Variants in UNC80 observed in about 807,000 individuals in gnomAD.
UNC80 encodes the protein protein unc-80 homolog.
A neutral mutation model predicts 384.6 loss-of-function variants in UNC80; 164 were observed. That is an observed-to-expected ratio of 0.43 (90% CI 0.38 to 0.49). The LOEUF (loss-of-function observed/expected upper bound fraction) is 0.49, where lower values mean the gene tolerates loss of function less well. Ranked by LOEUF, UNC80 falls within the 20% of genes least tolerant of loss-of-function variation. UNC80 has a pLI of 0.00. For missense variants in UNC80, 3,330 were observed against 4,143.0 expected (o/e 0.80, Z 5.39); for synonymous variants, 1,486 against 1,527.8 (o/e 0.97, Z 0.64).
chr2:209,852,557 A>G (rs2082605918), intron 22 of UNC80, among the ~76,000 whole-genome samples: 1 of 152,174 alleles, frequency 6.6e-6, no homozygotes, highest in Non-Finnish European at 1.5e-5. Context: ...ACTTACAATC[A>G]GTTTCTCAGC....
At chr2:209,974,859 G>A (rs1373170145) in intron 56 of UNC80, among the ~76,000 whole-genome samples, 3 of 152,244 alleles carry the variant, frequency 2.0e-5, no homozygotes, top group Non-Finnish European at 2.9e-5. Context: ...GCCAAAGTCA[G>A]CCAACAGGCC....
intron 31 of UNC80, among the ~76,000 whole-genome samples, chr2:209,917,135 G>T (rs1233610999): frequency 1.3e-5 from 2 of 152,130 alleles, no homozygotes; most frequent in Non-Finnish European, 2.9e-5. Context: ...CTCATGTAGG[G>T]TATGTTTTTA....
At chr2:209,863,676 C>A (rs1230398916) in intron 22 of UNC80, among the ~76,000 whole-genome samples, 1 of 151,902 alleles carries the variant, frequency 6.6e-6, no homozygotes, top group South Asian at 2.1e-4. Flanking sequence ...CTGTGTTTTT[C>A]AGCTCCATCA....
intron 51 of UNC80, among the ~76,000 whole-genome samples, chr2:209,963,743 C>T (rs1379147842): frequency 6.6e-6 from 1 of 152,134 alleles, no homozygotes; most frequent in Non-Finnish European, 1.5e-5. Context: ...ACACAGAATT[C>T]CAGGACAATG....
Position 209,959,480 on chromosome 2 carries a change from A to G in UNC80, c.7587-9A>G. Reference sequence around the variant, plus strand: ...TCAGACCCCTAGTTAATCTTTCACAATTTCCCAGGGAAAACCTTCATTTAC... The same window carrying G: ...TCAGACCCCTAGTTAATCTTTCACAGTTTCCCAGGGAAAACCTTCATTTAC... On this transcript the variant is annotated splice_polypyrimidine_tract_variant and intron_variant, in intron 50 of 64. Coordinates refer to ENST00000673920, the MANE Select transcript of UNC80 (RefSeq NM_001371986.1). 1 of 1,551,390 alleles carries G rather than the reference A, an allele frequency of 6.4e-7. No individual in the cohort carries two copies. The highest frequency in any genetic ancestry group is 2.4e-5 in the East Asian group (1 of 40,922).
intron 21 of UNC80, among the ~76,000 whole-genome samples, chr2:209,846,577 C>G (rs896056867): frequency 6.6e-6 from 1 of 151,800 alleles, no homozygotes; most frequent in East Asian, 1.9e-4. Context: ...TATTAAAAAA[C>G]AAGTAGGATA....
intron 47 of UNC80, among the ~76,000 whole-genome samples, chr2:209,952,497 G>T (rs565770389): frequency 6.6e-6 from 1 of 152,098 alleles, no homozygotes; most frequent in Non-Finnish European, 1.5e-5. Flanking sequence ...ATATTTCCTC[G>T]CAATTATGAG....
intron 25 of UNC80, among the ~76,000 whole-genome samples, chr2:209,882,918 A>AT (rs1441459676): frequency 1.4e-4 from 21 of 152,182 alleles, no homozygotes; most frequent in Admixed American, 1.3e-3. Context: ...GATCAATCAA[A>AT]TCTTCTAAAT....
At chr2:209,900,756 C>A (rs1011038541) in intron 28 of UNC80, among the ~76,000 whole-genome samples, 2 of 152,154 alleles carry the variant, frequency 1.3e-5, no homozygotes, top group South Asian at 2.1e-4. Flanking sequence ...AGGAAAAGTT[C>A]TTGAAGGAAA....
chr2:209,970,928 G>A lies in UNC80; in HGVS notation c.8227G>A (p.Val2743Ile), dbSNP rs1559416295. 1.3e-6 allele frequency: 2 copies of A among 1,551,928 alleles called. No individual in the cohort carries two copies. The highest frequency in any genetic ancestry group is 1.7e-6 in the Non-Finnish European group (2 of 1,147,006). ...ACCACCTCTGCCCTTCAGCACAGCT[G>A]TTGTCCGGCTTGTAGCATTGCAGAT... ...LSPPLPFSTAVVRLVALQIQA... is the reference protein window; with the variant it reads ...LSPPLPFSTAIVRLVALQIQA... The change falls in exon 54 of 65, where the codon GTT (valine) becomes ATT (isoleucine). Residue 2743 changes from valine (V) to isoleucine (I), a missense_variant. Around this residue, in one of 8 missense-constraint regions of UNC80, gnomAD observed 1,049 missense variants for 1,488.6 expected, o/e 0.70. Coordinates refer to ENST00000673920, the MANE Select transcript of UNC80 (RefSeq NM_001371986.1).
chr2:209,866,488 C>CCACA lies in UNC80; in HGVS notation c.3628-6269_3628-6268insACAC, dbSNP rs1209916532. ...AAACATTCCATAATACAAAATGCACCCCCACACACACACACACACACACAC... is the reference window on the plus strand; with the variant it reads ...AAACATTCCATAATACAAAATGCACCCACACCCACACACACACACACACACACAC... On this transcript the variant is annotated intron_variant, in intron 22 of 64. Transcript: ENST00000673920. 4.6e-4 allele frequency among the ~76,000 whole-genome samples: 49 copies of CCACA among 106,742 alleles called. 1 individual carries two copies. Among genetic ancestry groups the CCACA allele is most frequent in the Non-Finnish European group, 8.4e-4 (44 of 52,512 alleles). The allele number at this position is 106,742 out of a possible 152,430, so 70.0% of individuals were successfully genotyped here. A position where few individuals can be genotyped will look rare whatever the true frequency, so the allele number is the denominator to read the frequency against.
At chr2:209,889,872 T>C (rs1013911847) in intron 26 of UNC80, among the ~76,000 whole-genome samples, 2 of 152,176 alleles carry the variant, frequency 1.3e-5, no homozygotes, top group Non-Finnish European at 2.9e-5. Flanking sequence ...TGCCACATTT[T>C]CTTAATTTTT....
At chr2:209,847,782 T>C (rs2082268165) in intron 21 of UNC80, among the ~76,000 whole-genome samples, 4 of 152,058 alleles carry the variant, frequency 2.6e-5, no homozygotes. Context: ...TTAATAAATT[T>C]GATAAATAAG....
chr2:209,814,370 G>T (rs942703028), intron 8 of UNC80, among the ~76,000 whole-genome samples: 2 of 151,902 alleles, frequency 1.3e-5, no homozygotes, highest in African/African-American at 2.4e-5. Context: ...TGAGTAGCTG[G>T]GACTGCAGGA....
intron 28 of UNC80, among the ~76,000 whole-genome samples, chr2:209,903,599 A>ATATATAGTATATATGTAATATATATATAC (rs2087793952): frequency 2.9e-4 from 1 of 3,468 alleles, no homozygotes; most frequent in African/African-American, 8.4e-4. Context: ...TATATATACT[A>ATATATAGTATATATGTAATATATATATAC]TATATATAGT....
At chr2:209,922,154 G>T in intron 34 of UNC80, 98 bp from the exon 35 acceptor site, 4 of 1,347,192 alleles carry the variant, frequency 3.0e-6, no homozygotes, top group Non-Finnish European at 2.0e-6. Flanking sequence ...AAGCCTTATG[G>T]TCTGAGAGCA....
chr2:209,841,021 A>G (rs950443067), intron 20 of UNC80, among the ~76,000 whole-genome samples: 1 of 152,230 alleles, frequency 6.6e-6, no homozygotes, highest in African/African-American at 2.4e-5. Flanking sequence ...TAAGACACAC[A>G]TAATTCATCC....
Position 209,912,562 on chromosome 2 carries a change from C to A in UNC80, c.4785C>A (p.Cys1595Ter). The A allele has an allele frequency of 6.5e-7, 1 of 1,548,320 alleles. No individual in the cohort carries two copies. The change falls in exon 30 of 65, where the codon TGC becomes TGA. Residue 1595 changes from cysteine (C) to a stop codon, truncating the protein, a stop_gained and splice_region_variant. Coordinates refer to ENST00000673920, the MANE Select transcript of UNC80 (RefSeq NM_001371986.1). LOFTEE classifies it high-confidence loss of function. ...TTACATATCCCTGGTCTTTTCAGTGCTCAGATAAGTCATGCCTGAGGACAC... is the reference window on the plus strand; with the variant it reads ...TTACATATCCCTGGTCTTTTCAGTGATCAGATAAGTCATGCCTGAGGACAC... The part of the protein sequence containing the change: ...VALRGKKQKE[C>*]SDKSCLRTPS...
chr2:209,845,495 G>A (rs923291654), intron 21 of UNC80, among the ~76,000 whole-genome samples: 4 of 152,004 alleles, frequency 2.6e-5, no homozygotes, highest in African/African-American at 4.8e-5. Context: ...CGATTCCTAC[G>A]GATTTTAGCC....
Sources: allele counts gnomAD v4.1 joint callset (sites outside exome capture counted in the v4.1 genomes callset), GRCh38; gene constraint gnomAD v4.1.1; regional missense constraint gnomAD v4.1.1; transcripts MANE v1.5; gene names NCBI Gene and HGNC (gene_info 2026-07-23, HGNC 2026-07-21).